The following PPP2R2B variants were observed in gnomAD, a reference collection of about 807,000 sequenced individuals.
The protein encoded by PPP2R2B is protein phosphatase 2 regulatory subunit Bbeta.
In PPP2R2B, 5 loss-of-function variants were observed where a neutral mutation model predicts 46.0. That is an observed-to-expected ratio of 0.11 (90% confidence interval 0.06 to 0.23). The LOEUF is 0.23. PPP2R2B is among the 10% of genes least tolerant of loss of function. The probability of loss-of-function intolerance (pLI) is 1.00; values close to 1 mark genes in which losing one functional copy is unlikely to be tolerated. For synonymous variants in PPP2R2B, 215 were observed against 206.7 expected (o/e 1.04, Z -0.34); for missense variants, 367 against 575.0 (o/e 0.64, Z 3.70).
rs759038562 is a variant in PPP2R2B at position 146,698,007 on chromosome 5, A to C, written c.306T>G (p.Asn102Lys). Residue 102 changes from asparagine to lysine, a missense_variant, in exon 4 of 10, where the codon AAT becomes AAG. Physicochemically the swap from Asn to Lys is moderately conservative, Grantham distance 94 (BLOSUM62 0). This residue lies in a region of PPP2R2B where 361 missense variants were observed against 545.5 expected (regional missense o/e 0.66). Transcript: ENST00000394411. ...INKIRWLPQQ[N>K]AAYFLLSTND... is the part of the protein sequence containing the mutation. ...TAGTAGACAGAAGAAAGTAAGCTGC[A>C]TTCTGCTGGGGGAGCCATCTTATTT... 2 of 1,612,790 alleles carry C rather than the reference A, an allele frequency of 1.2e-6. No homozygotes were observed. The highest frequency in any genetic ancestry group is 1.7e-6 in the Non-Finnish European group (2 of 1,179,634).
chr5:146,926,737 T>C (rs747476012), intron 1 of PPP2R2B, among the ~76,000 whole-genome samples: 4 of 152,192 alleles, frequency 2.6e-5, no homozygotes, highest in Non-Finnish European at 5.9e-5. Context: ...CTGAGTCTGA[T>C]ATCTGCTGGA....
intron 2 of PPP2R2B, among the ~76,000 whole-genome samples, chr5:146,854,817 C>A (rs776407237): frequency 1.3e-5 from 2 of 152,244 alleles, no homozygotes; most frequent in Middle Eastern, 3.4e-3. Context: ...AACATTTGGA[C>A]TTGATGAGGC....
At chr5:146,847,461 C>A (rs1760075969) in intron 2 of PPP2R2B, among the ~76,000 whole-genome samples, 1 of 152,140 alleles carries the variant, frequency 6.6e-6, no homozygotes, top group South Asian at 2.1e-4. Flanking sequence ...ATCTGGTCAA[C>A]TTCTACTCTA....
intron 2 of PPP2R2B, among the ~76,000 whole-genome samples, chr5:146,790,855 G>T (rs555345702): frequency 1.5e-4 from 23 of 152,262 alleles, no homozygotes; most frequent in African/African-American, 5.3e-4. Context: ...GTGTTTTGGG[G>T]ACAGAATAAA....
At chr5:146,719,197 CCTCT>C (rs1362345497) in intron 2 of PPP2R2B, among the ~76,000 whole-genome samples, 2 of 152,136 alleles carry the variant, frequency 1.3e-5, no homozygotes, top group African/African-American at 2.4e-5. Context: ...TATTATTTAA[CCTCT>C]CTCTCTGCCC....
At chr5:146,841,039 T>C (rs574754830) in intron 2 of PPP2R2B, among the ~76,000 whole-genome samples, 6 of 152,232 alleles carry the variant, frequency 3.9e-5, no homozygotes, top group Admixed American at 2.0e-4. Context: ...AATGTAGGGA[T>C]TCAGGAGAGG....
At chr5:146,810,110 C>A (rs1201904836) in intron 2 of PPP2R2B, among the ~76,000 whole-genome samples, 2 of 152,138 alleles carry the variant, frequency 1.3e-5, no homozygotes, top group African/African-American at 4.8e-5. Flanking sequence ...GCAAGCCTGA[C>A]AATTAGCCTT....
At chr5:146,910,943 C>T (rs1220925218) in intron 1 of PPP2R2B, among the ~76,000 whole-genome samples, 2 of 152,292 alleles carry the variant, frequency 1.3e-5, no homozygotes, top group East Asian at 3.9e-4. Context: ...ATTCGTCTAC[C>T]TGTCACAGGG....
At chr5:146,867,004 T>G (rs144403311) in intron 2 of PPP2R2B, among the ~76,000 whole-genome samples, 1 of 152,360 alleles carries the variant, frequency 6.6e-6, no homozygotes, top group East Asian at 1.9e-4. Context: ...GAGAGTCATT[T>G]GTGTTTGTTT....
intron 2 of PPP2R2B, among the ~76,000 whole-genome samples, chr5:146,808,424 T>C (rs1757323332): frequency 6.6e-6 from 1 of 152,192 alleles, no homozygotes; most frequent in African/African-American, 2.4e-5. Context: ...CTGGCCTTGT[T>C]CTGTGTTTCA....
At chr5:146,880,470 G>A (rs1762130209), upstream of PPP2R2B, among the ~76,000 whole-genome samples, 1 of 152,100 alleles carries the variant, frequency 6.6e-6, no homozygotes, top group South Asian at 2.1e-4. Flanking sequence ...AGCTTCTCTT[G>A]GATATTGGCA....
chr5:146,766,248 T>C (rs1205237349), intron 2 of PPP2R2B, among the ~76,000 whole-genome samples: 1 of 152,188 alleles, frequency 6.6e-6, no homozygotes, highest in African/African-American at 2.4e-5. Context: ...AGAATCAAAT[T>C]CCATTCTTCC....
At chr5:146,813,858 C>A (rs1373263910) in intron 2 of PPP2R2B, among the ~76,000 whole-genome samples, 1 of 152,052 alleles carries the variant, frequency 6.6e-6, no homozygotes, top group Non-Finnish European at 1.5e-5. Context: ...ATAAATGGGA[C>A]AGAAACGGAG....
At position 146,929,743 on chromosome 5, in the gene PPP2R2B, G is replaced by A. The variant is rs532272170; in HGVS notation, c.79+125922C>T. ...TAAATAAAATAAGCAGCAGTTTTGCGTGTGGGCTCTGGAGATAGACTACTA... is the reference window on the plus strand; with the variant it reads ...TAAATAAAATAAGCAGCAGTTTTGCATGTGGGCTCTGGAGATAGACTACTA... On this transcript the variant is annotated intron_variant, in intron 1 of 8. Transcript: ENST00000336640. Among the ~76,000 whole-genome samples the A allele has an allele frequency of 1.6e-4, 25 of 152,204 alleles. 1 individual carries two copies. The highest frequency in any genetic ancestry group is 7.7e-4 in the East Asian group (4 of 5,184).
At chr5:146,697,206 A>G (rs1399727410) in intron 4 of PPP2R2B, among the ~76,000 whole-genome samples, 1 of 152,124 alleles carries the variant, frequency 6.6e-6, no homozygotes, top group Non-Finnish European at 1.5e-5. Flanking sequence ...TTAAATACGA[A>G]TCCTCTTAAT....
chr5:146,774,974 A>G (rs556676222), intron 2 of PPP2R2B, among the ~76,000 whole-genome samples: 9 of 152,332 alleles, frequency 5.9e-5, no homozygotes, highest in Admixed American at 3.9e-4. Context: ...GTATCAAGCA[A>G]GGAAATGAAA....
intron 2 of PPP2R2B, among the ~76,000 whole-genome samples, chr5:146,724,697 G>T (rs1296944944): frequency 3.3e-5 from 5 of 152,032 alleles, no homozygotes; most frequent in Non-Finnish European, 7.4e-5. Flanking sequence ...CGGTCCCAAA[G>T]GCAGGAGCTG....
At chr5:146,849,583 C>T (rs1317218002) in intron 2 of PPP2R2B, among the ~76,000 whole-genome samples, 5 of 152,032 alleles carry the variant, frequency 3.3e-5, no homozygotes, top group Non-Finnish European at 5.9e-5. Flanking sequence ...TTACAAAATA[C>T]GGATTTCAAA....
At chr5:147,019,534 A>C (rs1755163449) in intron 1 of PPP2R2B, among the ~76,000 whole-genome samples, 1 of 152,090 alleles carries the variant, frequency 6.6e-6, no homozygotes, top group African/African-American at 2.4e-5. Flanking sequence ...GAGCTACAAA[A>C]CCTGGTGAAG....
Sources: gnomAD v4.1 joint callset for allele counts (sites outside exome capture counted in the v4.1 genomes callset) on GRCh38, gnomAD v4.1.1 for gene constraint, gnomAD v4.1.1 regional missense constraint, MANE v1.5 for transcripts, NCBI Gene and HGNC (gene_info 2026-07-23, HGNC 2026-07-21) for gene names.